Variants in SPIDR observed in about 807,000 individuals in gnomAD.
SPIDR encodes DNA repair-scaffolding protein.
SPIDR carries 93 observed loss-of-function variants against 104.6 expected under a neutral mutation model. The ratio of observed to expected loss-of-function variants is 0.89; its 90% CI spans 0.75 to 1.06. The LOEUF (loss-of-function observed/expected upper bound fraction) is 1.06. Among genes scored for constraint, SPIDR ranks in the 50% least tolerant of loss-of-function variants. SPIDR has a pLI of 0.00. For synonymous variants in SPIDR, 431 were observed against 416.9 expected, an observed-to-expected ratio of 1.03 and a Z score of -0.41; for missense variants, 1,154 against 1,111.2, an observed-to-expected ratio of 1.04 and a Z score of -0.55.
At chr8:47,667,147 G>C (rs2075050637) in intron 10 of SPIDR, among the ~76,000 whole-genome samples, 1 of 152,000 alleles carries the variant, frequency 6.6e-6, no homozygotes, top group Admixed American at 6.6e-5. Flanking sequence ...CGGGTGTGGT[G>C]GTGCACGCCT....
At chr8:47,264,593 A>G (rs2033458777) in intron 1 of SPIDR, among the ~76,000 whole-genome samples, 1 of 150,290 alleles carries the variant, frequency 6.7e-6, no homozygotes, top group Non-Finnish European at 1.5e-5. Flanking sequence ...ACGACCACAT[A>G]TACTCCTGTT....
At chr8:47,470,253 A>G (rs2075493865) in intron 8 of SPIDR, among the ~76,000 whole-genome samples, 1 of 152,112 alleles carries the variant, frequency 6.6e-6, no homozygotes, top group African/African-American at 2.4e-5. Context: ...GAACTCTTAC[A>G]TATATGGTGA....
At chr8:47,666,957 TA>T (rs1475877070) in intron 10 of SPIDR, among the ~76,000 whole-genome samples, 1 of 152,194 alleles carries the variant, frequency 6.6e-6, no homozygotes, top group Non-Finnish European at 1.5e-5. Flanking sequence ...ATATTTAGAA[TA>T]AATTTTAGTC....
intron 8 of SPIDR, among the ~76,000 whole-genome samples, chr8:47,469,641 G>A (rs2075394490): frequency 6.6e-6 from 1 of 152,054 alleles, no homozygotes; most frequent in African/African-American, 2.4e-5. Context: ...AATACCACAT[G>A]TTCTCACTTA....
chr8:47,707,663 T>G (rs925214652), intron 14 of SPIDR, among the ~76,000 whole-genome samples: 1 of 152,164 alleles, frequency 6.6e-6, no homozygotes, highest in Admixed American at 6.5e-5. Flanking sequence ...AGAAGTCAAG[T>G]CTCTTTGCCT....
chr8:47,589,415 G>A (rs1168543573), intron 8 of SPIDR, among the ~76,000 whole-genome samples: 3 of 151,756 alleles, frequency 2.0e-5, no homozygotes, highest in Non-Finnish European at 4.4e-5. Flanking sequence ...CCAGCTACTC[G>A]GGAGGCTGAG....
At chr8:47,352,799 C>T (rs1406087063) in intron 5 of SPIDR, among the ~76,000 whole-genome samples, 1 of 152,046 alleles carries the variant, frequency 6.6e-6, no homozygotes, top group Non-Finnish European at 1.5e-5. Flanking sequence ...CGTGGTGGCT[C>T]ACGCCTGTAA....
chr8:47,601,721 A>G (rs2062316087), intron 10 of SPIDR, among the ~76,000 whole-genome samples: 1 of 152,054 alleles, frequency 6.6e-6, no homozygotes, highest in South Asian at 2.1e-4. Context: ...TTGAGTTAGA[A>G]CCAAGCCGTG....
intron 10 of SPIDR, among the ~76,000 whole-genome samples, chr8:47,633,568 A>AC (rs1554527426): frequency 1.2e-3 from 177 of 151,170 alleles, no homozygotes; most frequent in Middle Eastern, 3.4e-3. Context: ...GAAAAAAAAA[A>AC]AAAAACAAAA....
In SPIDR at chr8:47,426,032, CA is replaced by C. The variant is rs375499707; in HGVS notation, c.878-14290del. Among the ~76,000 whole-genome samples, 573 of 150,504 alleles carry C rather than the reference CA, an allele frequency of 3.8e-3. 3 individuals are homozygous for C. Among genetic ancestry groups the C allele is most frequent in the South Asian group, 0.022 (106 of 4,764 alleles). On this transcript the variant is annotated intron_variant, in intron 7 of 19. Coordinates refer to ENST00000297423, the MANE Select transcript of SPIDR (RefSeq NM_001080394.4). Reference sequence around the variant, plus strand: ...GGCTGAGGCAGGCAGATCACGAGGTCAGGAGTTCAAGACCAGCCTGGCCAAC... The same window carrying C: ...GGCTGAGGCAGGCAGATCACGAGGTCGGAGTTCAAGACCAGCCTGGCCAAC...
intron 1 of SPIDR, among the ~76,000 whole-genome samples, chr8:47,265,162 C>T (rs2033643035): frequency 1.3e-5 from 2 of 148,276 alleles, no homozygotes; most frequent in African/African-American, 5.0e-5. Flanking sequence ...CAGAATTAGA[C>T]TACTTAGTAT....
At chr8:47,464,807 C>T (rs1415554432) in intron 8 of SPIDR, among the ~76,000 whole-genome samples, 1 of 152,076 alleles carries the variant, frequency 6.6e-6, no homozygotes. Flanking sequence ...CTCTCTCTGT[C>T]ACCCAGGCAG....
intron 8 of SPIDR, among the ~76,000 whole-genome samples, chr8:47,551,984 T>C (rs2090572636): frequency 6.6e-6 from 1 of 152,234 alleles, no homozygotes; most frequent in African/African-American, 2.4e-5. Context: ...TTGTTCTCAT[T>C]GGTTTCAGAG....
chr8:47,627,545 A>G (rs950742811), intron 10 of SPIDR, among the ~76,000 whole-genome samples: 2 of 152,176 alleles, frequency 1.3e-5, no homozygotes, highest in Admixed American at 1.3e-4. Flanking sequence ...AAAGTACCCT[A>G]AGTGTGTGTA....
chr8:47,674,771 A>T (rs969286797), intron 11 of SPIDR, among the ~76,000 whole-genome samples: 1 of 152,188 alleles, frequency 6.6e-6, no homozygotes, highest in Non-Finnish European at 1.5e-5. Context: ...GGCTGTGGCC[A>T]TTCTAAATGG....
chr8:47,311,634 G>A (rs782774735), intron 5 of SPIDR, among the ~76,000 whole-genome samples: 20 of 152,020 alleles, frequency 1.3e-4, no homozygotes, highest in South Asian at 4.1e-4. Flanking sequence ...CCTGGGAAAC[G>A]AAGTGAGACT....
chr8:47,644,719 C>T (rs1409216954), intron 10 of SPIDR, among the ~76,000 whole-genome samples: 1 of 152,144 alleles, frequency 6.6e-6, no homozygotes, highest in Non-Finnish European at 1.5e-5. Context: ...ATGCTAAGTG[C>T]TCAAAAAGCA....
chr8:47,554,318 G>A (rs965932474), intron 8 of SPIDR, among the ~76,000 whole-genome samples: 2 of 152,338 alleles, frequency 1.3e-5, no homozygotes, highest in South Asian at 2.1e-4. Flanking sequence ...ATTGGCTGCT[G>A]CCTTTTGTTC....
chr8:47,492,925 G>C (rs1449437796), intron 8 of SPIDR, among the ~76,000 whole-genome samples: 1 of 151,888 alleles, frequency 6.6e-6, no homozygotes, highest in Non-Finnish European at 1.5e-5. Flanking sequence ...TATCTTGACT[G>C]TTCATTTAAG....
Sources: allele counts gnomAD v4.1 joint callset (sites outside exome capture counted in the v4.1 genomes callset), GRCh38; gene constraint gnomAD v4.1.1; transcripts MANE v1.5; gene names NCBI Gene and HGNC (gene_info 2026-07-23, HGNC 2026-07-21).